The following TENM4 variants were observed in gnomAD, a reference collection of about 807,000 sequenced individuals.
TENM4 encodes the protein teneurin transmembrane protein 4.
TENM4 carries 82 observed loss-of-function variants against 243.3 expected under a neutral mutation model. That is an observed-to-expected ratio of 0.34 (90% CI 0.28 to 0.40). TENM4 has a LOEUF of 0.40. TENM4 is among the 10% of genes least tolerant of loss of function. The probability of loss-of-function intolerance (pLI) is 1.00; values close to 1 mark genes in which losing one functional copy is unlikely to be tolerated. For synonymous variants in TENM4, 1,412 were observed against 1,456.3 expected, an observed-to-expected ratio of 0.97 and a Z score of 0.69; for missense variants, 3,138 against 3,673.3, an observed-to-expected ratio of 0.85 and a Z score of 3.77.
chr11:79,017,342 C>G (rs987400526), intron 6 of TENM4, among the ~76,000 whole-genome samples: 10 of 152,062 alleles, frequency 6.6e-5, no homozygotes, highest in African/African-American at 2.4e-4. Flanking sequence ...CAGGGCTTTT[C>G]CAGGGAAGAA....
In TENM4 at chr11:78,658,529, C is replaced by T; in HGVS notation, c.7839G>A (p.Gly2613=). 6.2e-7 allele frequency: 1 copy of T among 1,613,986 alleles called. No individual in the cohort carries two copies. Among genetic ancestry groups the T allele is most frequent in the Non-Finnish European group, 8.5e-7 (1 of 1,179,876 alleles). ...GTTTCACAAAGTAATGGGTATCCACCCCATCAATGGTGAAGTGCAGGTTCT... is the reference window on the plus strand; with the variant it reads ...GTTTCACAAAGTAATGGGTATCCACTCCATCAATGGTGAAGTGCAGGTTCT... ...YLENLHFTID[G]VDTHYFVKPG... The change falls in exon 34 of 34, where the codon GGG becomes GGA. Residue 2613 remains glycine (G), a synonymous_variant. Coordinates refer to ENST00000278550, the MANE Select transcript of TENM4 (RefSeq NM_001098816.3).
At chr11:79,353,554 T>C (rs1243627049) in intron 1 of TENM4, among the ~76,000 whole-genome samples, 4 of 152,182 alleles carry the variant, frequency 2.6e-5, no homozygotes, top group Non-Finnish European at 5.9e-5. Context: ...CCTAGAAGTG[T>C]GACGATCTCT....
At chr11:78,822,718 G>T (rs944542798) in intron 12 of TENM4, among the ~76,000 whole-genome samples, 18 of 151,882 alleles carry the variant, frequency 1.2e-4, no homozygotes, top group Non-Finnish European at 2.2e-4. Context: ...ATGTACCCTG[G>T]AACTTAAGAT....
chr11:78,785,049 G>C (rs1856906587), intron 16 of TENM4, among the ~76,000 whole-genome samples: 1 of 57,200 alleles, frequency 1.7e-5, no homozygotes, highest in Admixed American at 1.3e-4. Flanking sequence ...TTTTGTTTCT[G>C]TTTTTGTTTT....
At chr11:79,012,560 C>G (rs1430807716) in intron 6 of TENM4, among the ~76,000 whole-genome samples, 1 of 152,122 alleles carries the variant, frequency 6.6e-6, no homozygotes, top group Non-Finnish European at 1.5e-5. Flanking sequence ...AATAAATGCT[C>G]AATCTGAACT....
chr11:78,889,728 G>C, intron 9 of TENM4, 57 bp downstream of exon 9: 1 of 1,520,366 alleles, frequency 6.6e-7, no homozygotes. Context: ...ACGTGTCTTG[G>C]TTGCTGCCCT....
intron 9 of TENM4, among the ~76,000 whole-genome samples, chr11:78,880,008 A>T (rs1255874129): frequency 6.6e-6 from 1 of 152,146 alleles, no homozygotes; most frequent in Admixed American, 6.5e-5. Context: ...TTTTGTCGAA[A>T]AGCAAAGGGG....
chr11:79,277,797 G>C (rs1856085808), intron 2 of TENM4, among the ~76,000 whole-genome samples: 1 of 152,044 alleles, frequency 6.6e-6, no homozygotes, highest in Admixed American at 6.5e-5. Context: ...CCTGACTCTT[G>C]GAGTCTGCAT....
chr11:79,200,398 G>T (rs567409725), intron 3 of TENM4, among the ~76,000 whole-genome samples: 6 of 152,306 alleles, frequency 3.9e-5, no homozygotes, highest in Admixed American at 2.6e-4. Context: ...ACCTTACTCC[G>T]CATTGAATCT....
chr11:79,348,793 T>C (rs923801099), intron 1 of TENM4, among the ~76,000 whole-genome samples: 9 of 152,242 alleles, frequency 5.9e-5, no homozygotes, highest in Non-Finnish European at 1.2e-4. Flanking sequence ...TGGCAGCCCA[T>C]GTGAACAGTG....
At chr11:78,889,764 C>T (rs773210505) in intron 9 of TENM4, 21 bp downstream of exon 9, 2 of 1,549,982 alleles carry the variant, frequency 1.3e-6, no homozygotes, top group African/African-American at 2.7e-5. Flanking sequence ...GCAAGGGGAG[C>T]TGGGGTGAAG....
In TENM4 at chr11:78,669,256, G is replaced by A. The variant is rs765617617; in HGVS notation, c.7089C>T (p.Ile2363=). Residue 2363 remains isoleucine, a synonymous_variant, in exon 32 of 34, where the codon ATC becomes ATT. Transcript: ENST00000278550. The surrounding 1 kb of genome is among the most constrained non-coding windows in gnomAD (Gnocchi z 6.4). The stretch of plus-strand genomic sequence containing the variant: ...CACTAAAGACAGCAAGAGGGGTCCC[G>A]ATGTTGTCACAAGCTATGTAAAACT... ...GDEFYIACDN[I]GTPLAVFSGT... 8 of 1,613,864 alleles carry A rather than the reference G, an allele frequency of 5.0e-6. No individual in the cohort carries two copies. The highest frequency in any genetic ancestry group is 2.7e-5 in the African/African-American group (2 of 74,888).
At chr11:79,394,100 C>T (rs1222912954) in intron 1 of TENM4, among the ~76,000 whole-genome samples, 1 of 152,184 alleles carries the variant, frequency 6.6e-6, no homozygotes, top group Non-Finnish European at 1.5e-5. Flanking sequence ...TGCGGAAATG[C>T]CCACAGACTC....
At chr11:79,394,952 G>A (rs520682) in intron 1 of TENM4, among the ~76,000 whole-genome samples, 50,716 of 152,090 alleles carry the variant, frequency 0.33, 8,419 homozygotes, top group South Asian at 0.37. Flanking sequence ...ACAGAGGCAT[G>A]GAACAGATTC....
chr11:78,959,629 T>C (rs922561795), intron 6 of TENM4, among the ~76,000 whole-genome samples: 6 of 152,278 alleles, frequency 3.9e-5, no homozygotes, highest in South Asian at 2.1e-4. Flanking sequence ...GACATGCTTA[T>C]TACCAACTTT....
intron 4 of TENM4, among the ~76,000 whole-genome samples, chr11:79,116,907 G>A (rs1861633611): frequency 6.6e-6 from 1 of 152,154 alleles, no homozygotes; most frequent in South Asian, 2.1e-4. Context: ...AACATGCTTA[G>A]CATGGATCCT....
At chr11:79,158,381 T>A (rs1452761070) in intron 3 of TENM4, among the ~76,000 whole-genome samples, 2 of 152,170 alleles carry the variant, frequency 1.3e-5, no homozygotes, top group African/African-American at 4.8e-5. Flanking sequence ...TGGAATAAGA[T>A]GGCTGGGGTT....
chr11:79,289,060 C>A (rs1389353684), intron 2 of TENM4, among the ~76,000 whole-genome samples: 2 of 152,150 alleles, frequency 1.3e-5, no homozygotes, highest in Non-Finnish European at 2.9e-5. Flanking sequence ...ACTGTTTGAT[C>A]TTGAAAGAGC....
At chr11:79,064,086 TA>T (rs1308889775) in intron 6 of TENM4, among the ~76,000 whole-genome samples, 1 of 43,512 alleles carries the variant, frequency 2.3e-5, no homozygotes, top group East Asian at 2.5e-4. Context: ...CTCACATACT[TA>T]TTTTTTTGTG....
Sources: gnomAD v4.1 joint callset for allele counts (sites outside exome capture counted in the v4.1 genomes callset) on GRCh38, gnomAD v4.1.1 for gene constraint, Gnocchi (gnomAD v3.1) non-coding constraint, MANE v1.5 for transcripts, NCBI Gene and HGNC (gene_info 2026-07-23, HGNC 2026-07-21) for gene names.